Variants in AGO3 observed in about 807,000 individuals in gnomAD.
The protein encoded by AGO3 is argonaute RISC catalytic component 3, also known as protein argonaute-3.
In AGO3, 16 loss-of-function variants were observed where a neutral mutation model predicts 105.5. The observed-to-expected ratio is 0.15, with a 90% confidence interval of 0.10 to 0.23. AGO3 has a LOEUF of 0.23. AGO3 is among the 10% of genes least tolerant of loss of function. AGO3 has a pLI of 1.00. For synonymous variants in AGO3, 340 were observed against 367.3 expected (o/e 0.93, Z 0.85); for missense variants, 534 against 1,088.0 (o/e 0.49, Z 7.16).
At position 36,047,884 on chromosome 1, in the gene AGO3, A is replaced by AC. The variant is rs2148857868; in HGVS notation, c.2274+4336_2274+4337insC. On this transcript the variant is annotated intron_variant, in intron 17 of 18. Coordinates refer to ENST00000373191, the MANE Select transcript of AGO3 (RefSeq NM_024852.4). ...GACAGAGTGAGGCCCTGTCTCAAAA[A>AC]AAAAAGAAATAATAGCTGAAAACTT... 2.0e-5 allele frequency among the ~76,000 whole-genome samples: 3 copies of AC among 152,122 alleles called. No individual in the cohort carries two copies. In the South Asian group the frequency reaches 6.2e-4, roughly 32 times the overall value.
intron 5 of AGO3, among the ~76,000 whole-genome samples, chr1:35,975,933 CTTTCTTTCTTTTCTTT>C (rs1366190885): frequency 1.4e-5 from 2 of 143,248 alleles, no homozygotes; most frequent in Non-Finnish European, 3.1e-5. Context: ...TTTTTTTTTT[CTTTCTTTCTTTTCTTT>C]TTTCTTTCTT....
intron 2 of AGO3, among the ~76,000 whole-genome samples, chr1:35,966,390 T>A (rs1346706149): frequency 6.6e-6 from 1 of 152,226 alleles, no homozygotes; most frequent in African/African-American, 2.4e-5. Flanking sequence ...AATATCTTTC[T>A]GTGTCAGTTA....
chr1:36,022,788 C>A (rs143170229), intron 11 of AGO3, among the ~76,000 whole-genome samples: 1,785 of 151,976 alleles, frequency 0.012, 44 homozygotes, highest in African/African-American at 0.041. Context: ...AAAAATTAGC[C>A]GGGCCTGGTG....
At chr1:35,979,917 T>C (rs976699591) in intron 5 of AGO3, among the ~76,000 whole-genome samples, 4 of 152,192 alleles carry the variant, frequency 2.6e-5, no homozygotes, top group Admixed American at 6.5e-5. Flanking sequence ...AAGCCAGATA[T>C]AGATAGGAAG....
chr1:35,944,788 G>A (rs1646330549), intron 1 of AGO3, among the ~76,000 whole-genome samples: 1 of 151,858 alleles, frequency 6.6e-6, no homozygotes, highest in African/African-American at 2.4e-5. Flanking sequence ...GCAGACGTGA[G>A]GCACTGCACC....
chr1:36,026,049 AAAAG>A (rs546473200), intron 11 of AGO3, among the ~76,000 whole-genome samples: 39 of 152,088 alleles, frequency 2.6e-4, no homozygotes, highest in Non-Finnish European at 2.8e-4. Flanking sequence ...TCAAAAAAAA[AAAAG>A]AAATTGGTTT....
At chr1:36,010,941 G>A (rs578049615) in intron 9 of AGO3, among the ~76,000 whole-genome samples, 4 of 141,594 alleles carry the variant, frequency 2.8e-5, no homozygotes, top group African/African-American at 7.6e-5. Context: ...GGGAGGGAGG[G>A]AGGGAAAGAA....
At chr1:35,945,668 T>C (rs778149832) in intron 1 of AGO3, 24 bp from the exon 2 acceptor site, 1 of 1,605,788 alleles carries the variant, frequency 6.2e-7, no homozygotes, top group African/African-American at 1.3e-5. Context: ...CTGTGACTCT[T>C]TTTTTTTCCC....
chr1:35,953,231 C>T (rs1646504779), intron 2 of AGO3, among the ~76,000 whole-genome samples: 1 of 151,676 alleles, frequency 6.6e-6, no homozygotes, highest in African/African-American at 2.4e-5. Flanking sequence ...GAATTCAAGA[C>T]CAGCCTGAGC....
At chr1:35,958,652 CAAA>C (rs11448667) in intron 2 of AGO3, among the ~76,000 whole-genome samples, 1 of 133,016 alleles carries the variant, frequency 7.5e-6, no homozygotes, top group African/African-American at 2.6e-5. Context: ...GACCTTGTCT[CAAA>C]AAAAAAAAAA....
intron 2 of AGO3, among the ~76,000 whole-genome samples, chr1:35,963,524 G>A (rs1476592898): frequency 1.3e-5 from 2 of 152,058 alleles, no homozygotes; most frequent in Admixed American, 6.6e-5. Flanking sequence ...AGGAAATGGA[G>A]ATGGAAAGAA....
chr1:35,968,912 T>TG (rs1018514703), intron 3 of AGO3, among the ~76,000 whole-genome samples: 6 of 152,050 alleles, frequency 3.9e-5, no homozygotes, highest in African/African-American at 9.7e-5. Flanking sequence ...TGTTTTTTTT[T>TG]TTGTTCGTTT....
chr1:35,993,583 T>C (rs1400468473), intron 5 of AGO3, among the ~76,000 whole-genome samples: 2 of 152,074 alleles, frequency 1.3e-5, no homozygotes, highest in African/African-American at 2.4e-5. Flanking sequence ...AATAGCCCTA[T>C]ATCAAAGAAA....
intron 2 of AGO3, among the ~76,000 whole-genome samples, chr1:35,962,058 C>G (rs1463747430): frequency 6.6e-6 from 1 of 152,064 alleles, no homozygotes; most frequent in Non-Finnish European, 1.5e-5. Context: ...TCATGTCTTC[C>G]AAGTATGTGT....
At chr1:35,978,863 C>T (rs549938492) in intron 5 of AGO3, among the ~76,000 whole-genome samples, 5 of 152,042 alleles carry the variant, frequency 3.3e-5, no homozygotes, top group Admixed American at 1.3e-4. Context: ...CTGTTTTAGC[C>T]GTATTACAAA....
At chr1:35,999,493 T>C (rs1320327563) in intron 5 of AGO3, among the ~76,000 whole-genome samples, 1 of 152,226 alleles carries the variant, frequency 6.6e-6, no homozygotes, top group African/African-American at 2.4e-5. Context: ...ATAATTTACA[T>C]GAATAGGGTG....
intron 5 of AGO3, chr1:35,984,352 AAGT>A (rs1223837245): frequency 6.6e-6 from 1 of 152,134 alleles, no homozygotes; most frequent in Non-Finnish European, 1.5e-5. Context: ...AAGAAACAAA[AAGT>A]AGATGATTTC....
In AGO3 at chr1:36,052,376, G is replaced by A. The variant is rs75198250; in HGVS notation, c.2275-2570G>A. ...TAAAAGTTGATGTCATAGAAGTAGA[G>A]AGTAAAATAGTAGTTACTAGAGGCA... On this transcript the variant is annotated intron_variant, in intron 17 of 18. Transcript: ENST00000373191. Among the ~76,000 whole-genome samples the A allele has an allele frequency of 9.3e-3, 1,416 of 152,078 alleles. 22 individuals are homozygous for A. The highest frequency in any genetic ancestry group is 0.032 in the African/African-American group (1,327 of 41,502).
At chr1:36,020,300 G>C (rs1167513209) in intron 11 of AGO3, among the ~76,000 whole-genome samples, 1 of 152,182 alleles carries the variant, frequency 6.6e-6, no homozygotes, top group East Asian at 1.9e-4. Context: ...CTGGACCATG[G>C]AGTTCATTCA....
Sources: allele counts gnomAD v4.1 joint callset (sites outside exome capture counted in the v4.1 genomes callset), GRCh38; gene constraint gnomAD v4.1.1; transcripts MANE v1.5; gene names NCBI Gene and HGNC (gene_info 2026-07-23, HGNC 2026-07-21).